Variants in TMC1 observed in about 807,000 individuals in gnomAD.
TMC1 encodes the protein transmembrane channel-like protein 1.
A neutral mutation model predicts 105.8 loss-of-function variants in TMC1; 84 were observed. The observed-to-expected ratio is 0.79, with a 90% CI of 0.67 to 0.95. TMC1 has a LOEUF of 0.95. TMC1 is among the 40% of genes least tolerant of loss of function. TMC1 has a pLI of 0.00. For missense variants in TMC1, 817 were observed against 914.1 expected (o/e 0.89, Z 1.37); for synonymous variants, 315 against 311.5 (o/e 1.01, Z -0.12).
chr9:72,631,420 G>A (rs796584626), intron 4 of TMC1, among the ~76,000 whole-genome samples: 6 of 152,044 alleles, frequency 3.9e-5, no homozygotes, highest in African/African-American at 1.4e-4. Context: ...ATTTCTTTTG[G>A]GATAGCTCTG....
At chr9:72,801,506 G>T (rs114970573) in intron 17 of TMC1, among the ~76,000 whole-genome samples, 1,748 of 152,272 alleles carry the variant, frequency 0.011, 28 homozygotes, top group African/African-American at 0.04. Context: ...GTGCTAAATT[G>T]TCCCCCAGTT....
At chr9:72,534,340 T>G (rs1425996991) in intron 1 of TMC1, among the ~76,000 whole-genome samples, 1 of 152,074 alleles carries the variant, frequency 6.6e-6, no homozygotes, top group Non-Finnish European at 1.5e-5. Context: ...AAATATCACA[T>G]TAGGATCCAA....
chr9:72,631,009 A>G (rs562064827), intron 4 of TMC1, among the ~76,000 whole-genome samples: 170 of 152,102 alleles, frequency 1.1e-3, no homozygotes, highest in African/African-American at 3.9e-3. Flanking sequence ...CTGGAATTAC[A>G]GGTGCACACC....
At chr9:72,752,542 G>A (rs189413942) in intron 11 of TMC1, among the ~76,000 whole-genome samples, 12 of 152,102 alleles carry the variant, frequency 7.9e-5, no homozygotes, top group African/African-American at 2.4e-4. Context: ...AACACATAGA[G>A]GGTCCAAATC....
chr9:72,689,374 AT>A, intron 6 of TMC1, among the ~76,000 whole-genome samples: 1 of 152,178 alleles, frequency 6.6e-6, no homozygotes, highest in Admixed American at 6.5e-5. Flanking sequence ...TTAGAGTAGT[AT>A]TTTTAGGTTT....
chr9:72,790,685 G>A (rs143595894), intron 15 of TMC1, among the ~76,000 whole-genome samples: 2 of 152,156 alleles, frequency 1.3e-5, no homozygotes, highest in South Asian at 4.2e-4. Flanking sequence ...AGTCCTAGGG[G>A]CCAATGAAGG....
intron 2 of TMC1, among the ~76,000 whole-genome samples, chr9:72,602,197 T>A (rs763209818): frequency 6.6e-6 from 1 of 152,022 alleles, no homozygotes; most frequent in African/African-American, 2.4e-5. Flanking sequence ...TTAATCCTCA[T>A]GGCAATGCTA....
At chr9:72,745,249 C>G (rs991739452) in intron 10 of TMC1, among the ~76,000 whole-genome samples, 3 of 152,140 alleles carry the variant, frequency 2.0e-5, no homozygotes, top group Admixed American at 6.5e-5. Context: ...ATTAACCTTC[C>G]TATTTTATAG....
chr9:72,736,909 AT>A (rs768188452), intron 8 of TMC1, among the ~76,000 whole-genome samples: 24 of 152,356 alleles, frequency 1.6e-4, no homozygotes, highest in Middle Eastern at 3.4e-3. Flanking sequence ...AAATATGGGA[AT>A]TTAGTAACAA....
At chr9:72,609,479 G>A (rs747115345) in intron 2 of TMC1, among the ~76,000 whole-genome samples, 7 of 152,172 alleles carry the variant, frequency 4.6e-5, no homozygotes, top group Admixed American at 3.3e-4. Context: ...GGCAGAGGTT[G>A]TAGTGAGCCG....
chr9:72,579,920 T>A (rs1285289973), intron 2 of TMC1, among the ~76,000 whole-genome samples: 1 of 151,830 alleles, frequency 6.6e-6, no homozygotes, highest in East Asian at 1.9e-4. Flanking sequence ...TAGATAAAAA[T>A]TTAAAAATAA....
chr9:72,696,433 T>C (rs1588036481), intron 7 of TMC1, among the ~76,000 whole-genome samples: 2 of 152,382 alleles, frequency 1.3e-5, no homozygotes, highest in South Asian at 4.1e-4. Context: ...TTGATAGTTC[T>C]GTTCTCTATT....
At chr9:72,614,200 C>A (rs7032232) in intron 2 of TMC1, among the ~76,000 whole-genome samples, 2 of 151,908 alleles carry the variant, frequency 1.3e-5, no homozygotes, top group African/African-American at 4.8e-5. Flanking sequence ...TGTTTGTGTC[C>A]AGTTTGAAGA....
chr9:72,656,994 A>T (rs996129519), intron 5 of TMC1, among the ~76,000 whole-genome samples: 1 of 152,198 alleles, frequency 6.6e-6, no homozygotes, highest in African/African-American at 2.4e-5. Flanking sequence ...TAAGGTCTGG[A>T]CACTGTTCTG....
At position 72,789,303 on chromosome 9, in the gene TMC1, T is replaced by C. The variant is rs878853240; in HGVS notation, c.1210T>C (p.Trp404Arg). 1 of 1,613,964 alleles carries C rather than the reference T, an allele frequency of 6.2e-7. No individual in the cohort carries two copies. The change falls in exon 15 of 24, where the codon TGG (tryptophan) becomes CGG (arginine). Residue 404 changes from tryptophan (W) to arginine (R), a missense_variant. Coordinates refer to ENST00000297784, the MANE Select transcript of TMC1 (RefSeq NM_138691.3). ...GCAAGATCCTGACACCCTTGGGTGG[T>C]GGGAAAAAAATGAAGTTCGTCTCTG... is the stretch of plus-strand genomic sequence containing the variant. ...AQQDPDTLGW[W>R]EKNEMNMVMS...
Position 72,740,101 on chromosome 9 carries a change from T to A in TMC1, c.363-18T>A. On this transcript the variant is annotated intron_variant, in intron 8 of 23. Coordinates refer to ENST00000297784, the MANE Select transcript of TMC1 (RefSeq NM_138691.3). ...AACTCACCTCCTTTTATCCCTTATG[T>A]TATTTTTATTTTCTCAGGGAGGCAA... The A allele has an allele frequency of 5.6e-6, 9 of 1,600,164 alleles. No homozygotes were observed. The highest frequency in any genetic ancestry group is 7.7e-6 in the Non-Finnish European group (9 of 1,167,456).
chr9:72,598,568 TG>T (rs1420695170), intron 2 of TMC1, among the ~76,000 whole-genome samples: 1 of 152,148 alleles, frequency 6.6e-6, no homozygotes, highest in African/African-American at 2.4e-5. Context: ...GCATATACAG[TG>T]GACACAGAGC....
At chr9:72,685,319 G>T (rs56077713) in intron 5 of TMC1, among the ~76,000 whole-genome samples, 11,765 of 149,146 alleles carry the variant, frequency 0.079, 522 homozygotes, top group Non-Finnish European at 0.11. Flanking sequence ...TGTTAGCCAG[G>T]ATGGTCTCGA....
intron 9 of TMC1, among the ~76,000 whole-genome samples, chr9:72,741,830 A>C (rs1469422022): frequency 6.6e-6 from 1 of 152,220 alleles, no homozygotes; most frequent in Admixed American, 6.5e-5. Context: ...GGAGTTAAAT[A>C]GAAAGAAGGC....
Sources: allele counts gnomAD v4.1 joint callset (sites outside exome capture counted in the v4.1 genomes callset), GRCh38; gene constraint gnomAD v4.1.1; transcripts MANE v1.5; gene names NCBI Gene and HGNC (gene_info 2026-07-23, HGNC 2026-07-21).